Variants in PLA2G4E observed in about 807,000 individuals in gnomAD.
PLA2G4E encodes the protein phospholipase A2 group IVE, also known as cytosolic phospholipase A2 epsilon.
A neutral mutation model predicts 109.1 loss-of-function variants in PLA2G4E; 84 were observed. That is an observed-to-expected ratio of 0.77 (90% CI 0.65 to 0.92). The LOEUF is 0.92. PLA2G4E is among the 40% of genes least tolerant of loss of function. The pLI is 0.00. For synonymous variants in PLA2G4E, 469 were observed against 436.1 expected, an observed-to-expected ratio of 1.08 and a Z score of -0.94; for missense variants, 1,057 against 1,076.6, an observed-to-expected ratio of 0.98 and a Z score of 0.25.
chr15:42,012,446 T>C (rs74578540), intron 2 of PLA2G4E, among the ~76,000 whole-genome samples: 4,414 of 152,250 alleles, frequency 0.029, 213 homozygotes, highest in African/African-American at 0.1. Flanking sequence ...AAAATGGGCC[T>C]CCAGGGCCTC....
At chr15:42,044,465 G>C (rs972747378) in intron 1 of PLA2G4E, among the ~76,000 whole-genome samples, 2 of 152,068 alleles carry the variant, frequency 1.3e-5, no homozygotes, top group African/African-American at 4.8e-5. Context: ...GAGAGGCCTT[G>C]GAAGCCATGG....
At chr15:41,985,391 C>T (rs1261467703) in intron 18 of PLA2G4E, among the ~76,000 whole-genome samples, 2 of 152,160 alleles carry the variant, frequency 1.3e-5, no homozygotes, top group African/African-American at 4.8e-5. Flanking sequence ...CTGACAAGTG[C>T]CCTCCTCTCT....
chr15:42,038,100 G>T lies in PLA2G4E; in HGVS notation c.183+12421C>A, dbSNP rs78559003. On this transcript the variant is annotated intron_variant, in intron 1 of 19. Transcript: ENST00000399518. ...GTTTTGCTGTTACTGTATTTCATCA[G>T]TTCCAAGGTACACATTTTTTCCCAT... 8.6e-3 allele frequency among the ~76,000 whole-genome samples: 1,303 copies of T among 152,328 alleles called. 21 individuals are homozygous for T. Among genetic ancestry groups the T allele is most frequent in the African/African-American group, 0.03 (1,252 of 41,574 alleles).
At chr15:42,010,131 G>GT in intron 2 of PLA2G4E, 1 of 440,230 alleles carries the variant, frequency 2.3e-6, no homozygotes, top group South Asian at 1.9e-5. Context: ...CCAGAACACT[G>GT]GCCCCCCCAC....
intron 1 of PLA2G4E, among the ~76,000 whole-genome samples, chr15:42,015,245 G>A (rs2068577317): frequency 6.6e-6 from 1 of 152,168 alleles, no homozygotes; most frequent in Non-Finnish European, 1.5e-5. Flanking sequence ...GCCTCCCAGA[G>A]GCCCTGAAAC....
chr15:41,984,873 C>A (rs1347551849), intron 18 of PLA2G4E, among the ~76,000 whole-genome samples: 1 of 152,226 alleles, frequency 6.6e-6, no homozygotes, highest in Non-Finnish European at 1.5e-5. Context: ...TGTTCGCATC[C>A]AAACACAGAC....
chr15:41,992,941 G>A (rs1434396857), exon 13 of PLA2G4E: 8 of 1,612,562 alleles, frequency 5.0e-6, no homozygotes, highest in Middle Eastern at 1.7e-4. Flanking sequence ...CAGGGTCACG[G>A]TACAAGGTAG....
intron 15 of PLA2G4E, 96 bp downstream of exon 15, chr15:41,989,319 C>T: frequency 6.6e-7 from 1 of 1,515,392 alleles, no homozygotes; most frequent in Non-Finnish European, 9.0e-7. Context: ...ACAATGCTGG[C>T]AAGTGCCCCG....
At position 42,045,308 on chromosome 15, in the gene PLA2G4E, G is replaced by C. The variant is rs528726490; in HGVS notation, c.183+5213C>G. On this transcript the variant is annotated intron_variant, in intron 1 of 19. Coordinates refer to ENST00000399518, the Ensembl canonical transcript of PLA2G4E. ...CAGAGTAGGGCAAGCCCTGCTGAGA[G>C]GGAAGGGCATGAGCTGGGGGCCAAG... is the stretch of plus-strand genomic sequence containing the variant. 1.2e-4 allele frequency among the ~76,000 whole-genome samples: 19 copies of C among 152,322 alleles called. No homozygotes were observed. The South Asian group carries it at 2.1e-3, about 17-fold the overall frequency.
At chr15:42,037,949 AGT>A (rs1397736093) in intron 1 of PLA2G4E, among the ~76,000 whole-genome samples, 4 of 152,190 alleles carry the variant, frequency 2.6e-5, no homozygotes, top group Admixed American at 6.5e-5. Flanking sequence ...GTGTGAGCTG[AGT>A]GCAGCCTGCC....
intron 2 of PLA2G4E, among the ~76,000 whole-genome samples, chr15:42,009,349 C>CA (rs1430919401): frequency 2.0e-5 from 3 of 152,230 alleles, no homozygotes; most frequent in Non-Finnish European, 4.4e-5. Context: ...CCCAACTTCT[C>CA]ATCTGCCCTG....
chr15:42,043,978 T>A (rs1566852920), intron 1 of PLA2G4E, among the ~76,000 whole-genome samples: 1 of 152,196 alleles, frequency 6.6e-6, no homozygotes, highest in Non-Finnish European at 1.5e-5. Context: ...TAACCGTAAG[T>A]GTACTTGGAC....
chr15:42,024,744 G>A lies in PLA2G4E; in HGVS notation c.184-10987C>T, dbSNP rs529764536. Among the ~76,000 whole-genome samples, 5 of 152,096 alleles carry A rather than the reference G, an allele frequency of 3.3e-5. No individual in the cohort carries two copies. In the East Asian group the frequency reaches 9.7e-4, roughly 29 times the overall value. Reference sequence around the variant, plus strand: ...TTAGAAACACTCCCTTCAACCTCTCGTTCTTCTGCTGAAAAGCACCTAACG... The same window carrying A: ...TTAGAAACACTCCCTTCAACCTCTCATTCTTCTGCTGAAAAGCACCTAACG... On this transcript the variant is annotated intron_variant, in intron 1 of 19. Transcript: ENST00000399518.
chr15:42,016,351 T>C (rs2068595164), intron 1 of PLA2G4E, among the ~76,000 whole-genome samples: 2 of 151,556 alleles, frequency 1.3e-5, no homozygotes, highest in Non-Finnish European at 2.9e-5. Context: ...TCTTTTTTCT[T>C]TGGAGACGGA....
chr15:42,036,352 G>T (rs1237506203), intron 1 of PLA2G4E, among the ~76,000 whole-genome samples: 2 of 152,196 alleles, frequency 1.3e-5, no homozygotes, highest in Non-Finnish European at 2.9e-5. Flanking sequence ...CCAGAGCGGT[G>T]CTGCTCTTGC....
chr15:42,001,648 G>A (rs1344551515), intron 6 of PLA2G4E, among the ~76,000 whole-genome samples: 2 of 152,182 alleles, frequency 1.3e-5, no homozygotes, highest in African/African-American at 4.8e-5. Flanking sequence ...TGAACCCTGA[G>A]GCACTGGATG....
At chr15:42,006,453 C>G (rs1416724731) in intron 3 of PLA2G4E, among the ~76,000 whole-genome samples, 1 of 152,244 alleles carries the variant, frequency 6.6e-6, no homozygotes, top group African/African-American at 2.4e-5. Context: ...TGGGAAAGAG[C>G]AAGCAAGACC....
chr15:42,023,151 C>T (rs1003783311), intron 1 of PLA2G4E, among the ~76,000 whole-genome samples: 1 of 151,756 alleles, frequency 6.6e-6, no homozygotes, highest in African/African-American at 2.4e-5. Context: ...GAGTGGAACA[C>T]AGGGGTGGTA....
At chr15:42,041,858 G>A (rs1889321792) in intron 1 of PLA2G4E, among the ~76,000 whole-genome samples, 1 of 152,062 alleles carries the variant, frequency 6.6e-6, no homozygotes, top group Non-Finnish European at 1.5e-5. Flanking sequence ...CTCCTGACAG[G>A]GCAGATGCAT....
Sources: gnomAD v4.1 joint callset for allele counts (sites outside exome capture counted in the v4.1 genomes callset) on GRCh38, gnomAD v4.1.1 for gene constraint, MANE v1.5 for transcripts, NCBI Gene and HGNC (gene_info 2026-07-23, HGNC 2026-07-21) for gene names.